The following CTSD variants were observed in gnomAD, a reference collection of about 807,000 sequenced individuals.
CTSD encodes cathepsin D.
CTSD carries 28 observed loss-of-function variants against 43.6 expected under a neutral mutation model. That is an observed-to-expected ratio of 0.64 (90% CI 0.48 to 0.88). The LOEUF (loss-of-function observed/expected upper bound fraction) is 0.88, where lower values mean the gene tolerates loss of function less well. CTSD is among the 40% of genes least tolerant of loss of function. The pLI is 0.00. For synonymous variants in CTSD, 270 were observed against 249.8 expected, an observed-to-expected ratio of 1.08 and a Z score of -0.76; for missense variants, 485 against 555.2, an observed-to-expected ratio of 0.87 and a Z score of 1.27.
rs758822108 is a variant in CTSD, at chr11:1,761,440, G to A, written c.97C>T (p.Arg33Cys). ...RIPLHKFTSI[R>C]RTMSEVGGSV... ...CCCCCAACCTCCGACATGGTCCGGC[G>A]GATGGACGTGAACTTGTGCAGCGGG... The change falls in exon 2 of 9, where the codon CGC becomes TGC. Residue 33 changes from arginine to cysteine, a missense_variant. Transcript: ENST00000236671. 9.3e-6 allele frequency: 15 copies of A among 1,613,766 alleles called. No individual in the cohort carries two copies. Among genetic ancestry groups the A allele is most frequent in the South Asian group, 1.1e-5 (1 of 91,094 alleles).
At chr11:1,763,486 C>A (rs1845908465) in intron 1 of CTSD, 2 of 396,530 alleles carry the variant, frequency 5.0e-6, no homozygotes, top group South Asian at 3.7e-5. Context: ...CACTACCTCC[C>A]CCCGCCCCGC....
At chr11:1,758,402 G>C (rs1348746400) in intron 4 of CTSD, among the ~76,000 whole-genome samples, 1 of 152,148 alleles carries the variant, frequency 6.6e-6, no homozygotes, top group Non-Finnish European at 1.5e-5. Context: ...CTGAGGCCCA[G>C]GCAGGGTGAC....
In CTSD at chr11:1,753,362, G is replaced by T; in HGVS notation, c.*141C>A. On this transcript the variant is annotated 3_prime_UTR_variant, in exon 9 of 9. Transcript: ENST00000236671. ...ACCACAGAACAAAACAGCAAGTCGG[G>T]CTTGGGCCGCCGGCTTCCAGGGCGC... 1 of 987,598 alleles carries T rather than the reference G, an allele frequency of 1.0e-6. No homozygotes were observed. The highest frequency in any genetic ancestry group is 1.6e-6 in the Non-Finnish European group (1 of 628,238). 61.2% of individuals were successfully genotyped at this position (987,598 alleles called of 1,614,324 possible).
rs113137893 is a variant in CTSD, at chr11:1,756,728, A to T, written c.704+596T>A. Among the ~76,000 whole-genome samples, 1,397 of 152,150 alleles carry T rather than the reference A, an allele frequency of 9.2e-3. 13 individuals carry two copies. Among genetic ancestry groups the T allele is most frequent in the African/African-American group, 0.026 (1,094 of 41,492 alleles). ...AGGTCACCTGACCATGGGTCACCCA[A>T]GCTGGAGCAGCGGCTGCAGGTGGGG... On this transcript the variant is annotated intron_variant, in intron 5 of 8. Transcript: ENST00000236671.
chr11:1,761,516 G>A lies in CTSD; in HGVS notation c.69-48C>T, dbSNP rs373498007. The A allele has an allele frequency of 1.1e-3, 1,776 of 1,604,326 alleles. 17 individuals carry two copies. In the South Asian group the frequency reaches 0.011, roughly 10 times the overall value. ...TATCAGGGAGGCCCTCCCGCCTGCC[G>A]GCCGACGCTGCCAATGCTGCACATC... On this transcript the variant is annotated intron_variant, in intron 1 of 8. Coordinates refer to ENST00000236671, the MANE Select transcript of CTSD (RefSeq NM_001909.5).
chr11:1,757,522 A>G lies in CTSD; in HGVS notation c.506T>C (p.Leu169Pro), dbSNP rs1251798809. The change falls in exon 5 of 9, where the codon CTG (leucine) becomes CCG (proline). Residue 169 changes from leucine to proline, a missense_variant. By Grantham distance (98) the Leu-to-Pro change is moderately conservative. Coordinates refer to ENST00000236671, the MANE Select transcript of CTSD (RefSeq NM_001909.5). The stretch of plus-strand genomic sequence containing the variant: ...CTGCCTCTCCACTTTGACACCGCCC[A>G]GGGCAGAGGCTGACGACGCTGACTG... ...PCQSASSASA[L>P]GGVKVERQVF... 1 of 1,613,394 alleles carries G rather than the reference A, an allele frequency of 6.2e-7. No homozygotes were observed. Among genetic ancestry groups the G allele is most frequent in the African/African-American group, 1.3e-5 (1 of 75,042 alleles).
In CTSD at chr11:1,753,074, C is replaced by G. The variant is rs1845746542; in HGVS notation, c.*429G>C. 5.3e-5 allele frequency: 16 copies of G among 303,594 alleles called. No homozygotes were observed. The highest frequency in any genetic ancestry group is 4.0e-4 in the South Asian group (14 of 35,016). 18.8% of individuals were successfully genotyped at this position (303,594 alleles called of 1,614,324 possible). A position where few individuals can be genotyped will look rare whatever the true frequency, so the allele number is the denominator to read the frequency against. ...TGGGCCCAAGCTGGGCAGAGGGGCC[C>G]TCAGGCAGGGCAGGTTTCCAAGGGA... On this transcript the variant is annotated 3_prime_UTR_variant, in exon 9 of 9. Coordinates refer to ENST00000236671, the MANE Select transcript of CTSD (RefSeq NM_001909.5).
intron 6 of CTSD, among the ~76,000 whole-genome samples, chr11:1,754,682 AATGGAGGG>A (rs1293005384): frequency 1.5e-5 from 2 of 129,152 alleles, no homozygotes; most frequent in African/African-American, 3.0e-5. Context: ...GCATGGAGGA[AATGGAGGG>A]ATGGAGGGAT....
chr11:1,763,885 G>T lies in CTSD; in HGVS notation c.-26C>A. On this transcript the variant is annotated 5_prime_UTR_variant, in exon 1 of 9. Coordinates refer to ENST00000236671, the MANE Select transcript of CTSD (RefSeq NM_001909.5). ...GGCGGCGGCGGCCGGGTCGGAGAGG[G>T]TCGCCGAGGCCGTGCGCTTATAGCC... The T allele has an allele frequency of 1.3e-6, 2 of 1,517,860 alleles. No homozygotes were observed. The highest frequency in any genetic ancestry group is 1.8e-6 in the Non-Finnish European group (2 of 1,138,012). The allele number at this position is 1,517,860 out of a possible 1,614,324, so 94.0% of individuals were successfully genotyped here.
intron 2 of CTSD, 88 bp from the exon 3 acceptor site, chr11:1,759,727 AG>A: frequency 3.4e-5 from 48 of 1,410,590 alleles, no homozygotes; most frequent in Middle Eastern, 2.5e-4. Context: ...CCCAGAGCCA[AG>A]GCCCATACTG....
chr11:1,754,284 C>T (rs1478174666), intron 6 of CTSD, 146 bp from the exon 7 acceptor site: 7 of 926,092 alleles, frequency 7.6e-6, no homozygotes, highest in Non-Finnish European at 9.9e-6. Context: ...GTAAGCCCTC[C>T]AGGGAAGAGG....
At chr11:1,756,474 C>G (rs1256580577) in intron 5 of CTSD, among the ~76,000 whole-genome samples, 1 of 152,224 alleles carries the variant, frequency 6.6e-6, no homozygotes, top group Non-Finnish European at 1.5e-5. Context: ...GGGTCAGGCC[C>G]AGAGACTCCA....
At position 1,754,658 on chromosome 11, in the gene CTSD, G is replaced by A. The variant is rs118012212; in HGVS notation, c.827+248C>T. 6.1e-5 allele frequency among the ~76,000 whole-genome samples: 9 copies of A among 147,714 alleles called. No individual in the cohort carries two copies. In the East Asian group the frequency reaches 1.8e-3, roughly 30 times the overall value. On this transcript the variant is annotated intron_variant, in intron 6 of 8. Transcript: ENST00000236671. ...ATGGACAGAAGGGATGGTGGGTCAT[G>A]GAGAGTCACAGAGGCATGGAGGAAA...
chr11:1,761,822 T>G (rs572917608), intron 1 of CTSD: 64 of 392,698 alleles, frequency 1.6e-4, no homozygotes, highest in South Asian at 1.4e-3. Context: ...GCACCTGCGC[T>G]GGTCTCTTCC....
rs1845824523 is a variant in CTSD, at chr11:1,757,521, C to G, written c.507G>C (p.Leu169=). 1 of 1,613,440 alleles carries G rather than the reference C, an allele frequency of 6.2e-7. No homozygotes were observed. The highest frequency in any genetic ancestry group is 8.5e-7 in the Non-Finnish European group (1 of 1,179,972). The change falls in exon 5 of 9, where the codon CTG becomes CTC. Residue 169 remains leucine, a synonymous_variant. Coordinates refer to ENST00000236671, the MANE Select transcript of CTSD (RefSeq NM_001909.5). ...CCTGCCTCTCCACTTTGACACCGCC[C>G]AGGGCAGAGGCTGACGACGCTGACT... ...PCQSASSASA[L]GGVKVERQVF...
intron 4 of CTSD, among the ~76,000 whole-genome samples, chr11:1,758,472 G>A (rs1217554209): frequency 6.6e-6 from 1 of 152,102 alleles, no homozygotes; most frequent in Admixed American, 6.5e-5. Flanking sequence ...CCTGAGGATG[G>A]TGGATGCAGG....
chr11:1,760,346 CAG>C (rs1266938708), intron 2 of CTSD: 1 of 152,374 alleles, frequency 6.6e-6, no homozygotes, highest in African/African-American at 2.4e-5. Context: ...TCTCAGGAGG[CAG>C]AGAGTAAGAG....
At position 1,761,175 on chromosome 11, in the gene CTSD, C is replaced by T. The variant is rs1055893356; in HGVS notation, c.228+134G>A. 2.8e-4 allele frequency: 264 copies of T among 927,032 alleles called. 1 individual carries two copies. Among genetic ancestry groups the T allele is most frequent in the Middle Eastern group, 1.6e-3 (6 of 3,680 alleles). The allele number at this position is 927,032 out of a possible 1,614,324, so 57.4% of individuals were successfully genotyped here. On this transcript the variant is annotated intron_variant, in intron 2 of 8. Transcript: ENST00000236671. ...GGGGAAGAAAGGAGTGTGGCTGAGC[C>T]GGGACGCCACCGTGGCCAGGTGAGC...
At position 1,761,301 on chromosome 11, in the gene CTSD, A is replaced by T; in HGVS notation, c.228+8T>A. The T allele has an allele frequency of 6.2e-6, 10 of 1,613,628 alleles. No homozygotes were observed. The South Asian group carries it at 1.1e-4, about 18-fold the overall frequency. On this transcript the variant is annotated splice_region_variant and intron_variant, in intron 2 of 8. Transcript: ENST00000236671. ...CCGCTTGCAGCAGGGCTAAGACCTCATACTCACGTCCATGTAGTTCTTGAG... is the reference window on the plus strand; with the variant it reads ...CCGCTTGCAGCAGGGCTAAGACCTCTTACTCACGTCCATGTAGTTCTTGAG...
Sources: allele counts gnomAD v4.1 joint callset (sites outside exome capture counted in the v4.1 genomes callset), GRCh38; gene constraint gnomAD v4.1.1; transcripts MANE v1.5; gene names NCBI Gene and HGNC (gene_info 2026-07-23, HGNC 2026-07-21).